HAUS2: variants seen among roughly 807,000 people sequenced by gnomAD.
HAUS2 encodes HAUS augmin-like complex subunit 2.
In HAUS2, 20 loss-of-function variants were observed where a neutral mutation model predicts 21.6. The ratio of observed to expected loss-of-function variants is 0.93; its 90% CI spans 0.65 to 1.35. HAUS2 has a LOEUF of 1.35. HAUS2 is among the 40% of genes most tolerant of loss of function. The pLI, the probability that HAUS2 is intolerant of heterozygous loss-of-function variation, is 0.00. For synonymous variants in HAUS2, 113 were observed against 95.6 expected, an observed-to-expected ratio of 1.18 and a Z score of -1.06; for missense variants, 297 against 280.7, an observed-to-expected ratio of 1.06 and a Z score of -0.42.
intron 1 of HAUS2, among the ~76,000 whole-genome samples, chr15:42,557,987 T>A (rs2057804680): frequency 6.7e-6 from 1 of 149,746 alleles, no homozygotes; most frequent in Non-Finnish European, 1.5e-5. Context: ...GTTTCTCTTA[T>A]TTTTTTTTTA....
chr15:42,552,358 A>T (rs2057733912), intron 1 of HAUS2, among the ~76,000 whole-genome samples: 1 of 152,150 alleles, frequency 6.6e-6, no homozygotes, highest in African/African-American at 2.4e-5. Context: ...TTTAGCATTG[A>T]TTCTTTCAAA....
chr15:42,569,760 G>T lies in HAUS2; in HGVS notation c.*2944G>T, dbSNP rs979236048. 5.9e-5 allele frequency: 9 copies of T among 152,124 alleles called. No homozygotes were observed. The highest frequency in any genetic ancestry group is 1.9e-4 in the African/African-American group (8 of 41,420). 9.4% of individuals were successfully genotyped at this position (152,124 alleles called of 1,614,324 possible). ...TTTTGCTAGTAGGATAAGAGTGATCGTAATATCTCGAACATTACATAGACA... is the reference window on the plus strand; with the variant it reads ...TTTTGCTAGTAGGATAAGAGTGATCTTAATATCTCGAACATTACATAGACA... On this transcript the variant is annotated 3_prime_UTR_variant, in exon 6 of 6. Transcript: ENST00000260372.
chr15:42,552,815 C>T (rs185510178), intron 1 of HAUS2, among the ~76,000 whole-genome samples: 62 of 152,230 alleles, frequency 4.1e-4, no homozygotes, highest in African/African-American at 1.4e-3. Context: ...CTCCTCTATA[C>T]CTCTTCTCCC....
At position 42,566,620 on chromosome 15, in the gene HAUS2, C is replaced by G. The variant is rs1422797058; in HGVS notation, c.512C>G (p.Ala171Gly). 3 of 1,587,092 alleles carry G rather than the reference C, an allele frequency of 1.9e-6. No homozygotes were observed. The African/African-American group carries it at 4.0e-5, about 21-fold the overall frequency. Residue 171 changes from alanine to glycine, a missense_variant, in exon 6 of 6, where the codon GCA becomes GGA. Transcript: ENST00000260372. Reference protein sequence around the residue: ...ANLKKMNQALAKMDILVTETE... With the variant: ...ANLKKMNQALGKMDILVTETE... ...CAAATGTTACAGAACCAGGCTTTAG[C>G]AAAGATGGATATATTGGTGACTGAG...
chr15:42,554,438 TC>T (rs2057752388), intron 1 of HAUS2, among the ~76,000 whole-genome samples: 1 of 152,086 alleles, frequency 6.6e-6, no homozygotes, highest in South Asian at 2.1e-4. Context: ...TCTGTACTAT[TC>T]CCTATTCCCT....
At chr15:42,561,438 G>C (rs2057853083) in intron 4 of HAUS2, 36 bp downstream of exon 4, 2 of 1,425,300 alleles carry the variant, frequency 1.4e-6, no homozygotes, top group Admixed American at 1.8e-5. Context: ...AGTTACACCT[G>C]TTTTCTGAGT....
chr15:42,561,323 AAAGAG>A lies in HAUS2; in HGVS notation c.317_321del (p.Lys106IlefsTer3). On this transcript the variant is annotated frameshift_variant, in exon 4 of 6. Transcript: ENST00000260372. LOFTEE classifies it high-confidence loss of function. ...GAATAATCATTTGGAAGCAGTGCTG[AAAGAG>A]AAGAGATCCCTTAGGCAAAGACTGT... is the stretch of plus-strand genomic sequence containing the variant. 1 of 1,570,958 alleles carries A rather than the reference AAAGAG, an allele frequency of 6.4e-7. No individual in the cohort carries two copies. The highest frequency in any genetic ancestry group is 1.1e-5 in the South Asian group (1 of 90,160).
At chr15:42,551,087 C>G (rs557291121) in intron 1 of HAUS2, among the ~76,000 whole-genome samples, 1 of 151,696 alleles carries the variant, frequency 6.6e-6, no homozygotes, top group African/African-American at 2.4e-5. Flanking sequence ...CCTCTGCCAC[C>G]TGGGTTCAAT....
chr15:42,562,839 T>C (rs996434539), intron 4 of HAUS2, among the ~76,000 whole-genome samples: 4 of 152,234 alleles, frequency 2.6e-5, no homozygotes, highest in Non-Finnish European at 5.9e-5. Context: ...CCAGGCGTCA[T>C]GGCTCACGCC....
At chr15:42,558,086 G>T in intron 1 of HAUS2, 112 bp from the exon 2 acceptor site, 1 of 603,758 alleles carries the variant, frequency 1.7e-6, no homozygotes, top group Non-Finnish European at 3.0e-6. Context: ...CATGTTCAAA[G>T]GCAGTGTTGA....
intron 3 of HAUS2, 47 bp downstream of exon 3, chr15:42,559,455 C>T (rs751669093): frequency 6.5e-6 from 7 of 1,075,902 alleles, no homozygotes. Context: ...TCAACTTTTT[C>T]TTGGATTACT....
At chr15:42,554,081 C>A (rs74009099) in intron 1 of HAUS2, among the ~76,000 whole-genome samples, 2,032 of 152,276 alleles carry the variant, frequency 0.013, 57 homozygotes, top group African/African-American at 0.047. Flanking sequence ...TTATCCCTTA[C>A]CATATCAACT....
At position 42,558,203 on chromosome 15, in the gene HAUS2, G is replaced by C. The variant is rs775234090; in HGVS notation, c.99G>C (p.Met33Ile). ...CCTTATTCATTTACCAATAGGAGAT[G>C]TTAAACATGTCTAAGAAAACAGTTT... ...FIASGMVNQE[M>I]LNMSKKTVSC... The change falls in exon 2 of 6, where the codon ATG (methionine) becomes ATC (isoleucine). Residue 33 changes from methionine (M) to isoleucine (I), a missense_variant. Physicochemically the swap from Met to Ile is conservative, Grantham distance 10 (BLOSUM62 1). Coordinates refer to ENST00000260372, the MANE Select transcript of HAUS2 (RefSeq NM_018097.3). 2.6e-5 allele frequency: 36 copies of C among 1,379,638 alleles called. No homozygotes were observed. The highest frequency in any genetic ancestry group is 3.7e-5 in the Non-Finnish European group (36 of 980,616). The allele number at this position is 1,379,638 out of a possible 1,614,324, so 85.5% of individuals were successfully genotyped here.
chr15:42,554,887 G>C (rs760147111), intron 1 of HAUS2, among the ~76,000 whole-genome samples: 1 of 151,728 alleles, frequency 6.6e-6, no homozygotes, highest in Non-Finnish European at 1.5e-5. Context: ...AGTTGCAGTA[G>C]CATGATCACA....
intron 5 of HAUS2, among the ~76,000 whole-genome samples, 155 bp from the exon 6 acceptor site, chr15:42,566,452 T>C (rs1261925183): frequency 1.3e-5 from 2 of 152,168 alleles, no homozygotes; most frequent in Non-Finnish European, 2.9e-5. Context: ...AAGAGTAGGT[T>C]TGTACTGTAA....
At chr15:42,562,022 A>AG (rs2057858205) in intron 4 of HAUS2, among the ~76,000 whole-genome samples, 1 of 152,124 alleles carries the variant, frequency 6.6e-6, no homozygotes, top group African/African-American at 2.4e-5. Flanking sequence ...ACAAAAAAAA[A>AG]AAATATAAAA....
intron 5 of HAUS2, among the ~76,000 whole-genome samples, chr15:42,564,987 C>T (rs185378740): frequency 1.3e-5 from 2 of 152,304 alleles, no homozygotes; most frequent in African/African-American, 4.8e-5. Context: ...AGGTGCCCAC[C>T]ACCACACCTG....
At position 42,563,748 on chromosome 15, in the gene HAUS2, G is replaced by A. The variant is rs758986697; in HGVS notation, c.390-1G>A. The stretch of plus-strand genomic sequence containing the variant: ...GGTTGACTTTTTTCTTTCTCTTTCA[G>A]ATATATGGTACATTTGCTGGAGTTG... On this transcript the variant is annotated splice_acceptor_variant, in intron 4 of 5. Coordinates refer to ENST00000260372, the MANE Select transcript of HAUS2 (RefSeq NM_018097.3). LOFTEE classifies it high-confidence loss of function. 6.9e-7 allele frequency: 1 copy of A among 1,440,552 alleles called. No individual in the cohort carries two copies. The highest frequency in any genetic ancestry group is 1.7e-5 in the Admixed American group (1 of 58,844). 89.2% of individuals were successfully genotyped at this position (1,440,552 alleles called of 1,614,324 possible).
chr15:42,552,820 T>G (rs1309381173), intron 1 of HAUS2, among the ~76,000 whole-genome samples: 1 of 152,070 alleles, frequency 6.6e-6, no homozygotes, highest in African/African-American at 2.4e-5. Context: ...CTATACCTCT[T>G]CTCCCATTTG....
Sources: gnomAD v4.1 joint callset for allele counts (sites outside exome capture counted in the v4.1 genomes callset) on GRCh38, gnomAD v4.1.1 for gene constraint, MANE v1.5 for transcripts, NCBI Gene and HGNC (gene_info 2026-07-23, HGNC 2026-07-21) for gene names.